The following SPEF2 variants were observed in gnomAD, a reference collection of about 807,000 sequenced individuals.
The protein encoded by SPEF2 is sperm flagella and cilia-associated protein 2.
SPEF2 carries 187 observed loss-of-function variants against 224.6 expected under a neutral mutation model. The ratio of observed to expected loss-of-function variants is 0.83; its 90% CI spans 0.74 to 0.94. The LOEUF is 0.94. Ranked by LOEUF, SPEF2 falls within the 40% of genes least tolerant of loss-of-function variation. The pLI is 0.00. For synonymous variants in SPEF2, 715 were observed against 707.3 expected (o/e 1.01, Z -0.17); for missense variants, 2,170 against 2,135.6 (o/e 1.02, Z -0.32).
At chr5:35,676,037 A>G (rs573979590) in intron 10 of SPEF2, 2 of 456,220 alleles carry the variant, frequency 4.4e-6, no homozygotes, top group Admixed American at 2.3e-5. Flanking sequence ...GAATTAAGGT[A>G]TCAAGTTCAA....
At chr5:35,750,101 G>T (rs551456443) in intron 23 of SPEF2, among the ~76,000 whole-genome samples, 3 of 152,174 alleles carry the variant, frequency 2.0e-5, no homozygotes, top group Non-Finnish European at 1.5e-5. Flanking sequence ...CATAAGTTGG[G>T]GAAAGGACAC....
intron 33 of SPEF2, among the ~76,000 whole-genome samples, chr5:35,797,292 T>C (rs1756796836): frequency 6.7e-6 from 1 of 148,724 alleles, no homozygotes; most frequent in Admixed American, 6.7e-5. Flanking sequence ...CAAAACATGT[T>C]GTTATGGAAC....
chr5:35,779,320 A>G lies in SPEF2; in HGVS notation c.4421A>G (p.Asp1474Gly), dbSNP rs2149799776. The change falls in exon 30 of 37, where the codon GAT becomes GGT. Residue 1474 changes from aspartate to glycine, a missense_variant. Coordinates refer to ENST00000356031, the MANE Select transcript of SPEF2 (RefSeq NM_024867.4). ...ATTGAACAGCTTGACAGTCTTCGAGATCAGTTCTTAGATATGGCACCTAAA... is the reference window on the plus strand; with the variant it reads ...ATTGAACAGCTTGACAGTCTTCGAGGTCAGTTCTTAGATATGGCACCTAAA... ...LTIEQLDSLR[D>G]QFLDMAPKGI... The G allele has an allele frequency of 6.2e-7, 1 of 1,611,504 alleles. No individual in the cohort carries two copies. Among genetic ancestry groups the G allele is most frequent in the Non-Finnish European group, 8.5e-7 (1 of 1,179,164 alleles).
chr5:35,630,968 T>G (rs761873358), intron 2 of SPEF2, among the ~76,000 whole-genome samples: 1 of 152,224 alleles, frequency 6.6e-6, no homozygotes, highest in Non-Finnish European at 1.5e-5. Context: ...CCAAAGAAGC[T>G]AACACATAAC....
In SPEF2 at chr5:35,697,723, G is replaced by A. The variant is rs753579069; in HGVS notation, c.2071G>A (p.Glu691Lys). 2.5e-6 allele frequency: 4 copies of A among 1,613,478 alleles called. No individual in the cohort carries two copies. Among genetic ancestry groups the A allele is most frequent in the Non-Finnish European group, 3.4e-6 (4 of 1,179,672 alleles). The change falls in exon 15 of 37, where the codon GAA becomes AAA. Residue 691 changes from glutamate to lysine, a missense_variant. Glu to Lys is a moderately conservative substitution (Grantham distance 56, BLOSUM62 1). Coordinates refer to ENST00000356031, the MANE Select transcript of SPEF2 (RefSeq NM_024867.4). Reference protein sequence around the residue: ...TTRAQLGAKSEQLLKKGKSIP... With the variant: ...TTRAQLGAKSKQLLKKGKSIP... ...ACGTGCTCAGCTTGGTGCAAAATCA[G>A]AACAGTTGCTGAAGAAAGGAAAGAG...
chr5:35,725,077 C>T (rs1404537245), intron 20 of SPEF2, among the ~76,000 whole-genome samples: 4 of 152,202 alleles, frequency 2.6e-5, no homozygotes, highest in Non-Finnish European at 5.9e-5. Context: ...AGTTTTTCAA[C>T]CGTGAGTTCT....
In SPEF2 at chr5:35,641,673, C is replaced by T. The variant is rs748747798; in HGVS notation, c.404C>T (p.Thr135Ile). The change falls in exon 3 of 37, where the codon ACT becomes ATT. Residue 135 changes from threonine to isoleucine, a missense_variant. Physicochemically the swap from Thr to Ile is moderately conservative, Grantham distance 89 (BLOSUM62 -1). Transcript: ENST00000356031. ...NLRLQNMKSD[T>I]FQERLRHMIP... The stretch of plus-strand genomic sequence containing the variant: ...AGACTTCAAAACATGAAAAGTGATA[C>T]TTTTCAAGAGGTAGGTACATAAAAA... The T allele has an allele frequency of 6.2e-7, 1 of 1,612,598 alleles. No individual in the cohort carries two copies. The highest frequency in any genetic ancestry group is 1.1e-5 in the South Asian group (1 of 90,846).
intron 30 of SPEF2, chr5:35,781,434 G>A (rs769661924): frequency 1.1e-4 from 16 of 152,202 alleles, no homozygotes; most frequent in Non-Finnish European, 2.1e-4. Flanking sequence ...ACAGTTAGGG[G>A]AACAGCTGCT....
At chr5:35,700,363 T>C in intron 15 of SPEF2, 133 bp from the exon 16 acceptor site, 1 of 797,312 alleles carries the variant, frequency 1.3e-6, no homozygotes, top group Non-Finnish European at 2.0e-6. Flanking sequence ...CCTAATCTTT[T>C]AGCTATGAAG....
In SPEF2 at chr5:35,649,361, G is replaced by A. The variant is rs370937607; in HGVS notation, c.727G>A (p.Asp243Asn). The A allele has an allele frequency of 4.7e-5, 75 of 1,610,444 alleles. 1 individual carries two copies. The East Asian group carries it at 1.4e-3, about 30-fold the overall frequency. The change falls in exon 6 of 37, where the codon GAT (aspartate) becomes AAT (asparagine). Residue 243 changes from aspartate (D) to asparagine (N), a missense_variant and splice_region_variant. By Grantham distance (23) the Asp-to-Asn change is conservative (BLOSUM62 1). Transcript: ENST00000356031. ...KMMKKKKEAE[D>N]VADEIKKFEA... Reference sequence around the variant, plus strand: ...AACTGATGATGAATTTTCTTTAAAGGATGTGGCTGATGAAATTAAGAAGTT... The same window carrying A: ...AACTGATGATGAATTTTCTTTAAAGAATGTGGCTGATGAAATTAAGAAGTT...
intron 4 of SPEF2, among the ~76,000 whole-genome samples, chr5:35,645,991 T>G (rs1464225183): frequency 6.6e-5 from 10 of 152,184 alleles, no homozygotes. Context: ...AAAGTCATGA[T>G]TAGTTTCACA....
chr5:35,649,128 T>C (rs1747834194), intron 5 of SPEF2, among the ~76,000 whole-genome samples: 1 of 152,132 alleles, frequency 6.6e-6, no homozygotes, highest in African/African-American at 2.4e-5. Context: ...CCTGTCAAAA[T>C]CATGAAGTGA....
chr5:35,693,810 A>G (rs1459588891), intron 12 of SPEF2, among the ~76,000 whole-genome samples: 12 of 152,234 alleles, frequency 7.9e-5, no homozygotes, highest in Admixed American at 7.9e-4. Flanking sequence ...GATTCTGAAA[A>G]TAACTGGGAG....
At chr5:35,771,101 C>G (rs1185537504) in intron 26 of SPEF2, among the ~76,000 whole-genome samples, 1 of 151,376 alleles carries the variant, frequency 6.6e-6, no homozygotes, top group Non-Finnish European at 1.5e-5. Context: ...AATATACACC[C>G]AGAACATAAA....
chr5:35,732,516 T>G (rs1745800012), intron 21 of SPEF2, among the ~76,000 whole-genome samples: 1 of 152,170 alleles, frequency 6.6e-6, no homozygotes, highest in Non-Finnish European at 1.5e-5. Context: ...AATGTTTAAT[T>G]TAGATACATG....
chr5:35,760,441 A>G (rs1348740719), intron 25 of SPEF2, among the ~76,000 whole-genome samples: 1 of 152,130 alleles, frequency 6.6e-6, no homozygotes, highest in Non-Finnish European at 1.5e-5. Context: ...CTATTGTATT[A>G]TATAAATGAA....
In SPEF2 at chr5:35,695,265, G is replaced by T. The variant is rs560474949; in HGVS notation, c.1976-470G>T. ...TATAAACAAACTCTTAAAACTTCTG[G>T]TTTTTTTTTTTTTTCATAGAATTTA... On this transcript the variant is annotated intron_variant, in intron 13 of 36. Transcript: ENST00000356031. Among the ~76,000 whole-genome samples the T allele has an allele frequency of 7.5e-4, 107 of 143,584 alleles. 1 individual carries two copies. The East Asian group carries it at 0.016, about 22-fold the overall frequency. The allele number at this position is 143,584 out of a possible 152,430, so 94.2% of individuals were successfully genotyped here.
At chr5:35,713,055 G>A (rs373947478) in intron 20 of SPEF2, among the ~76,000 whole-genome samples, 169 bp downstream of exon 20, 23 of 152,150 alleles carry the variant, frequency 1.5e-4, no homozygotes, top group Admixed American at 4.6e-4. Flanking sequence ...GCATCCTGGC[G>A]CTTACCAAAG....
chr5:35,774,563 C>T (rs910739304), intron 28 of SPEF2, among the ~76,000 whole-genome samples: 2 of 152,098 alleles, frequency 1.3e-5, no homozygotes, highest in Admixed American at 6.6e-5. Context: ...GGAGCTATGA[C>T]TCCACAAAAC....
Sources: gnomAD v4.1 joint callset for allele counts (sites outside exome capture counted in the v4.1 genomes callset) on GRCh38, gnomAD v4.1.1 for gene constraint, MANE v1.5 for transcripts, NCBI Gene and HGNC (gene_info 2026-07-23, HGNC 2026-07-21) for gene names.